SGCE: variants seen among roughly 807,000 people sequenced by gnomAD.
SGCE encodes the protein epsilon-sarcoglycan.
In SGCE, 26 loss-of-function variants were observed where a neutral mutation model predicts 57.8. The ratio of observed to expected loss-of-function variants is 0.45; its 90% CI spans 0.33 to 0.62. The LOEUF (loss-of-function observed/expected upper bound fraction) is 0.62. Among genes scored for constraint, SGCE ranks in the 20% least tolerant of loss-of-function variants. The pLI is 0.02. For synonymous variants in SGCE, 183 were observed against 189.5 expected, an observed-to-expected ratio of 0.97 and a Z score of 0.28; for missense variants, 468 against 548.6, an observed-to-expected ratio of 0.85 and a Z score of 1.47.
intron 1 of SGCE, among the ~76,000 whole-genome samples, chr7:94,649,082 A>G (rs1807528523): frequency 1.3e-5 from 2 of 152,236 alleles, no homozygotes; most frequent in African/African-American, 2.4e-5. Flanking sequence ...AACAGATACC[A>G]TGGCGATTCC....
intron 1 of SGCE, among the ~76,000 whole-genome samples, chr7:94,634,445 T>A (rs2117008743): frequency 6.6e-6 from 1 of 152,326 alleles, no homozygotes; most frequent in Non-Finnish European, 1.5e-5. Context: ...TTTTTAAGGT[T>A]GTGTGTTTTA....
rs557116806 is a variant in SGCE at position 94,625,761 on chromosome 7, C to T, written c.391-2364G>A. The T allele has an allele frequency of 2.0e-5, 3 of 152,138 alleles. No homozygotes were observed. The East Asian group carries it at 5.8e-4, about 29-fold the overall frequency. The allele number at this position is 152,138 out of a possible 1,614,324, so 9.4% of individuals were successfully genotyped here. On this transcript the variant is annotated intron_variant, in intron 3 of 10. Transcript: ENST00000648936. Reference sequence around the variant, plus strand: ...TCTGAACATTCACTGTGTGAATACACCAAGATTAATATATTCTCTTGCTGA... The same window carrying T: ...TCTGAACATTCACTGTGTGAATACATCAAGATTAATATATTCTCTTGCTGA...
chr7:94,606,074 C>T (rs1043182018), intron 5 of SGCE, among the ~76,000 whole-genome samples: 3 of 152,128 alleles, frequency 2.0e-5, no homozygotes, highest in African/African-American at 7.2e-5. Flanking sequence ...GGTGATCTGC[C>T]TGCCTCTGCC....
intron 9 of SGCE, among the ~76,000 whole-genome samples, chr7:94,597,042 T>C (rs1471570538): frequency 1.3e-5 from 2 of 152,162 alleles, no homozygotes; most frequent in African/African-American, 4.8e-5. Context: ...TTCTCATCAG[T>C]ATCTAATCCC....
At chr7:94,587,648 A>C (rs1348924924) in intron 10 of SGCE, 7 of 1,464,682 alleles carry the variant, frequency 4.8e-6, no homozygotes, top group African/African-American at 3.0e-5. Flanking sequence ...TAGCACCAAC[A>C]CATCAATATA....
chr7:94,654,060 G>A (rs752735424), intron 1 of SGCE, among the ~76,000 whole-genome samples: 3 of 152,010 alleles, frequency 2.0e-5, no homozygotes, highest in African/African-American at 4.8e-5. Context: ...CATAGAGAAC[G>A]TCTGAAAAAG....
intron 1 of SGCE, among the ~76,000 whole-genome samples, chr7:94,638,446 A>T (rs1369685694): frequency 1.3e-5 from 2 of 152,212 alleles, no homozygotes; most frequent in Non-Finnish European, 2.9e-5. Flanking sequence ...GCCAGGAATC[A>T]ATCCTACAAG....
intron 3 of SGCE, chr7:94,623,799 A>T (rs1803221088): frequency 2.6e-6 from 1 of 378,932 alleles, no homozygotes; most frequent in Non-Finnish European, 4.7e-6. Flanking sequence ...TGAAAAGTAC[A>T]CTTTAAAACA....
intron 1 of SGCE, chr7:94,639,474 A>G (rs1484980319): frequency 7.4e-7 from 1 of 1,352,076 alleles, no homozygotes; most frequent in East Asian, 2.5e-5. Context: ...CAAATGTACA[A>G]AAAAATGAAA....
Position 94,585,516 on chromosome 7 carries a change from C to G in SGCE, c.1298-1G>C. 6.2e-7 allele frequency: 1 copy of G among 1,603,998 alleles called. No homozygotes were observed. Among genetic ancestry groups the G allele is most frequent in the Non-Finnish European group, 8.5e-7 (1 of 1,170,924 alleles). Reference sequence around the variant, plus strand: ...TTCTTTCTTCAGGGATACCATTTACCTGCAATGTGTAAGAATGAATATGGG... The same window carrying G: ...TTCTTTCTTCAGGGATACCATTTACGTGCAATGTGTAAGAATGAATATGGG... On this transcript the variant is annotated splice_acceptor_variant, in intron 10 of 10. Transcript: ENST00000648936. LOFTEE classifies it high-confidence loss of function.
intron 1 of SGCE, among the ~76,000 whole-genome samples, chr7:94,650,472 T>C (rs1807725426): frequency 6.7e-6 from 1 of 150,370 alleles, no homozygotes; most frequent in South Asian, 2.1e-4. Flanking sequence ...CATCTTCTTC[T>C]CAGGTTTTCA....
At position 94,623,386 on chromosome 7, in the gene SGCE, G is replaced by A; in HGVS notation, c.402C>T (p.Tyr134=). The change falls in exon 4 of 11, where the codon TAC becomes TAT. Residue 134 remains tyrosine, a synonymous_variant. Coordinates refer to ENST00000648936, the MANE Select transcript of SGCE (RefSeq NM_003919.3). ...TTGCAGTCTCAAAGGTGCGCCTGTT[G>A]TAGGCAGTTATCTATTATAAAAGGA... ...GKPTIIEITA[Y]NRRTFETARH... 2 of 1,600,662 alleles carry A rather than the reference G, an allele frequency of 1.2e-6. No individual in the cohort carries two copies. Among genetic ancestry groups the A allele is most frequent in the Non-Finnish European group, 1.7e-6 (2 of 1,168,892 alleles).
Position 94,591,027 on chromosome 7 carries a change from A to G in SGCE, c.1254-2295T>C, listed in dbSNP as rs530237224. Among the ~76,000 whole-genome samples the G allele has an allele frequency of 3.3e-5, 5 of 152,288 alleles. No homozygotes were observed. The South Asian group carries it at 1.0e-3, about 32-fold the overall frequency. On this transcript the variant is annotated intron_variant, in intron 9 of 10. Transcript: ENST00000648936. Reference sequence around the variant, plus strand: ...AACTCTAACACAATTTGAGGAAGTTACTTAATAATTCATCCCGACGATTAT... The same window carrying G: ...AACTCTAACACAATTTGAGGAAGTTGCTTAATAATTCATCCCGACGATTAT...
chr7:94,656,061 C>CT lies in SGCE; in HGVS notation c.37_38insA (p.Cys13Ter), dbSNP rs766778442. Residue 13 changes from cysteine to a stop codon, truncating the protein, a stop_gained and frameshift_variant, in exon 1 of 11, where the codon TGT becomes TAGT. Transcript: ENST00000648936. LOFTEE classifies it high-confidence loss of function. ...CCCCCGACCCTGTCCCGTCCAAGCA[C>CT]AGGGGTCTCCCAGCTCCCACCACCG... ...LPRWWELGDP[C>*]AWTGQGRGTR... 6.2e-7 allele frequency: 1 copy of CT among 1,613,374 alleles called. No homozygotes were observed. Among genetic ancestry groups the CT allele is most frequent in the African/African-American group, 1.3e-5 (1 of 75,020 alleles).
At chr7:94,626,270 T>C (rs1321014542) in intron 3 of SGCE, 1 of 152,118 alleles carries the variant, frequency 6.6e-6, no homozygotes, top group Non-Finnish European at 1.5e-5. Flanking sequence ...AAACAGACAT[T>C]CACAAATTTC....
At chr7:94,615,419 T>C (rs906973991) in intron 5 of SGCE, among the ~76,000 whole-genome samples, 9 of 121,610 alleles carry the variant, frequency 7.4e-5, no homozygotes, top group Non-Finnish European at 1.1e-4. Context: ...GATAGATAGA[T>C]AGATAAAGGG....
In SGCE at chr7:94,623,396, A is replaced by G. The variant is rs1554355443; in HGVS notation, c.392T>C (p.Ile131Thr). 6.3e-7 allele frequency: 1 copy of G among 1,590,178 alleles called. No homozygotes were observed. Among genetic ancestry groups the G allele is most frequent in the Non-Finnish European group, 8.6e-7 (1 of 1,159,776 alleles). The change falls in exon 4 of 11, where the codon ATA (isoleucine) becomes ACA (threonine). Residue 131 changes from isoleucine (I) to threonine (T), a missense_variant and splice_region_variant. Coordinates refer to ENST00000648936, the MANE Select transcript of SGCE (RefSeq NM_003919.3). ...AAAGGTGCGCCTGTTGTAGGCAGTTATCTATTATAAAAGGAAAACCATATT... is the reference window on the plus strand; with the variant it reads ...AAAGGTGCGCCTGTTGTAGGCAGTTGTCTATTATAAAAGGAAAACCATATT... ...ENVGKPTIIE[I>T]TAYNRRTFET...
At chr7:94,616,489 C>T (rs1801955994) in intron 5 of SGCE, among the ~76,000 whole-genome samples, 1 of 152,106 alleles carries the variant, frequency 6.6e-6, no homozygotes, top group Non-Finnish European at 1.5e-5. Context: ...TTTGCTAGCT[C>T]TGAACCTATT....
chr7:94,639,846 C>A (rs931158940), intron 1 of SGCE, among the ~76,000 whole-genome samples: 5 of 152,090 alleles, frequency 3.3e-5, no homozygotes, highest in South Asian at 2.1e-4. Context: ...GTTTAAAGTA[C>A]CTTTTAAATT....
Sources: gnomAD v4.1 joint callset for allele counts (sites outside exome capture counted in the v4.1 genomes callset) on GRCh38, gnomAD v4.1.1 for gene constraint, MANE v1.5 for transcripts, NCBI Gene and HGNC (gene_info 2026-07-23, HGNC 2026-07-21) for gene names.